Variants in H3-3A observed in about 807,000 individuals in gnomAD.
H3-3A encodes the protein histone H3.3.
For missense variants in H3-3A, 7 were observed against 184.0 expected (o/e 0.04, Z 5.57); for synonymous variants, 49 against 61.4 (o/e 0.80, Z 0.95).
intron 3 of H3-3A, among the ~76,000 whole-genome samples, chr1:226,069,577 A>G (rs1658036510): frequency 6.6e-6 from 1 of 152,032 alleles, no homozygotes; most frequent in African/African-American, 2.4e-5. Flanking sequence ...CACACCTGTA[A>G]TCCCAGCACT....
Position 226,064,311 on chromosome 1 carries a change from A to T in H3-3A, c.-23-18A>T. The T allele has an allele frequency of 6.3e-7, 1 of 1,594,402 alleles. No individual in the cohort carries two copies. Among genetic ancestry groups the T allele is most frequent in the Admixed American group, 1.8e-5 (1 of 56,756 alleles). ...TGGTAGTTGCATATGGTGATTTTTGATTTTTCAATGCTGGTAGGTAAGTAA... is the reference window on the plus strand; with the variant it reads ...TGGTAGTTGCATATGGTGATTTTTGTTTTTTCAATGCTGGTAGGTAAGTAA... On this transcript the variant is annotated intron_variant, in intron 1 of 3. Coordinates refer to ENST00000366815, the MANE Select transcript of H3-3A (RefSeq NM_002107.7).
At chr1:226,065,943 G>T (rs1441251953) in intron 3 of H3-3A, 134 bp downstream of exon 3, 2 of 764,666 alleles carry the variant, frequency 2.6e-6, no homozygotes, top group Non-Finnish European at 4.6e-6. Flanking sequence ...TCACTGTTGA[G>T]ACTTCAGAAA....
intron 3 of H3-3A, among the ~76,000 whole-genome samples, chr1:226,067,512 G>A (rs1198474719): frequency 6.6e-6 from 1 of 152,188 alleles, no homozygotes; most frequent in African/African-American, 2.4e-5. Flanking sequence ...GCTGAGGTGG[G>A]TAGATCACCT....
chr1:226,062,010 T>C (rs1657720584), upstream of H3-3A: 2 of 152,200 alleles, frequency 1.3e-5, no homozygotes, highest in South Asian at 4.1e-4. Flanking sequence ...CTCGGGCCGG[T>C]CCCGCAGGAC....
intron 3 of H3-3A, among the ~76,000 whole-genome samples, chr1:226,070,294 A>G (rs562891821): frequency 1.3e-3 from 194 of 151,758 alleles, no homozygotes; most frequent in African/African-American, 4.4e-3. Flanking sequence ...ATCCTAGCTA[A>G]CACAATGAAG....
chr1:226,064,948 A>G (rs1469196895), intron 2 of H3-3A, among the ~76,000 whole-genome samples: 4 of 152,136 alleles, frequency 2.6e-5, no homozygotes, highest in Non-Finnish European at 4.4e-5. Context: ...TTGATTGTGA[A>G]CTACCTGAGC....
chr1:226,067,282 A>G (rs1197993402), intron 3 of H3-3A: 1 of 152,074 alleles, frequency 6.6e-6, no homozygotes, highest in African/African-American at 2.4e-5. Flanking sequence ...ACTATTACAT[A>G]TTTGTCATTA....
chr1:226,071,322 C>T (rs1658116096), intron 3 of H3-3A, 29 bp from the exon 4 acceptor site: 7 of 1,590,146 alleles, frequency 4.4e-6, no homozygotes, highest in Non-Finnish European at 6.0e-6. Context: ...ATAACATCAT[C>T]AGTAATTTTT....
At chr1:226,065,233 A>G (rs1657886630) in intron 2 of H3-3A, among the ~76,000 whole-genome samples, 1 of 152,222 alleles carries the variant, frequency 6.6e-6, no homozygotes, top group African/African-American at 2.4e-5. Context: ...GAATGCCACA[A>G]GCAGATTTTT....
intron 3 of H3-3A, among the ~76,000 whole-genome samples, chr1:226,070,095 C>T (rs1044663302): frequency 4.6e-5 from 7 of 152,072 alleles, no homozygotes; most frequent in African/African-American, 1.7e-4. Flanking sequence ...TACTAGAGGG[C>T]AACAAATGCT....
intron 2 of H3-3A, 114 bp downstream of exon 2, chr1:226,064,593 C>A: frequency 2.9e-6 from 2 of 681,258 alleles, no homozygotes; most frequent in South Asian, 3.9e-5. Context: ...TTTTTTTTTT[C>A]ATTTGAACAC....
chr1:226,066,358 A>ATACTGGACGTG (rs991954832), intron 3 of H3-3A: 1 of 153,844 alleles, frequency 6.5e-6, no homozygotes, highest in Non-Finnish European at 1.4e-5. Context: ...CTTAAAGGTG[A>ATACTGGACGTG]TACTGGACGT....
chr1:226,068,336 A>AT (rs1657992293), intron 3 of H3-3A, among the ~76,000 whole-genome samples: 1 of 152,228 alleles, frequency 6.6e-6, no homozygotes, highest in South Asian at 2.1e-4. Flanking sequence ...CAGCTACCAC[A>AT]TGCCACATCT....
chr1:226,066,246 A>G, intron 3 of H3-3A: 1 of 188,900 alleles, frequency 5.3e-6, no homozygotes, highest in Non-Finnish European at 1.1e-5. Flanking sequence ...AGAGCTTAAT[A>G]CCTAGGATGG....
At chr1:226,071,254 T>A in intron 3 of H3-3A, 97 bp from the exon 4 acceptor site, 3 of 920,204 alleles carry the variant, frequency 3.3e-6, no homozygotes, top group Non-Finnish European at 3.4e-6. Flanking sequence ...GTCATTTTTT[T>A]AAAGGGTTCA....
rs529117981 is a variant in H3-3A, at chr1:226,066,977, A to G, written c.282+1168A>G. The G allele has an allele frequency of 5.9e-5, 9 of 152,342 alleles. No individual in the cohort carries two copies. In the East Asian group the frequency reaches 9.6e-4, roughly 16 times the overall value. The allele number at this position is 152,342 out of a possible 1,614,324, so 9.4% of individuals were successfully genotyped here. On this transcript the variant is annotated intron_variant, in intron 3 of 3. Transcript: ENST00000366815. ...TTCTCAGTGAGTTGCTGAAATTTCA[A>G]CTACTAAAATCTTCCATGTTTTTAC...
intron 3 of H3-3A, among the ~76,000 whole-genome samples, chr1:226,068,185 G>A (rs984693357): frequency 2.6e-5 from 4 of 152,140 alleles, no homozygotes; most frequent in Non-Finnish European, 4.4e-5. Flanking sequence ...TGTTTTAAGG[G>A]ACTTTGGGTT....
intron 3 of H3-3A, 50 bp downstream of exon 3, chr1:226,065,859 A>C: frequency 7.2e-7 from 1 of 1,384,440 alleles, no homozygotes; most frequent in Non-Finnish European, 1.0e-6. Flanking sequence ...GTTGTGTACC[A>C]AGAACAGTTC....
At chr1:226,067,625 C>G (rs1437099973) in intron 3 of H3-3A, among the ~76,000 whole-genome samples, 1 of 151,840 alleles carries the variant, frequency 6.6e-6, no homozygotes, top group Non-Finnish European at 1.5e-5. Flanking sequence ...GCCTATAATC[C>G]CAGCTACTAG....
Sources: gnomAD v4.1 joint callset for allele counts (sites outside exome capture counted in the v4.1 genomes callset) on GRCh38, gnomAD v4.1.1 for gene constraint, MANE v1.5 for transcripts, NCBI Gene and HGNC (gene_info 2026-07-23, HGNC 2026-07-21) for gene names.